The following BABAM2 variants were observed in gnomAD, a reference collection of about 807,000 sequenced individuals.
BABAM2 encodes the protein BRISC and BRCA1-A complex member 2.
In BABAM2, 31 loss-of-function variants were observed where a neutral mutation model predicts 54.7. That is an observed-to-expected ratio of 0.57 (90% confidence interval 0.43 to 0.77). The LOEUF is 0.77. BABAM2 is among the 30% of genes least tolerant of loss of function. The pLI is 0.00. For missense variants in BABAM2, 364 were observed against 455.8 expected (o/e 0.80, Z 1.83); for synonymous variants, 167 against 162.9 (o/e 1.03, Z -0.19).
intron 6 of BABAM2, among the ~76,000 whole-genome samples, chr2:28,126,753 C>A (rs1167503293): frequency 1.4e-5 from 2 of 144,882 alleles, no homozygotes; most frequent in African/African-American, 5.2e-5. Flanking sequence ...AGTTTACAGT[C>A]CCACCAACAG....
At chr2:28,259,075 T>C (rs13005987) in intron 10 of BABAM2, among the ~76,000 whole-genome samples, 5 of 36,990 alleles carry the variant, frequency 1.4e-4, no homozygotes, top group Non-Finnish European at 2.4e-4. Context: ...GCACCTGGCC[T>C]TTTTTTTTTT....
intron 5 of BABAM2, among the ~76,000 whole-genome samples, chr2:28,042,121 T>C (rs1293107175): frequency 1.3e-5 from 2 of 152,164 alleles, no homozygotes; most frequent in African/African-American, 4.8e-5. Context: ...CAAAAATGAC[T>C]CTAGGTTTTT....
chr2:28,180,017 A>G (rs1675445992), intron 7 of BABAM2, among the ~76,000 whole-genome samples: 1 of 152,196 alleles, frequency 6.6e-6, no homozygotes, highest in Admixed American at 6.5e-5. Flanking sequence ...AAAAGAATTA[A>G]TATTGTTAAA....
chr2:27,980,746 A>G (rs1183884088), intron 3 of BABAM2, among the ~76,000 whole-genome samples: 1 of 151,812 alleles, frequency 6.6e-6, no homozygotes, highest in African/African-American at 2.4e-5. Context: ...AAAAAAAAAA[A>G]ACTTTATTAT....
chr2:28,106,208 T>A (rs1476921276), intron 6 of BABAM2, among the ~76,000 whole-genome samples: 2 of 152,180 alleles, frequency 1.3e-5, no homozygotes, highest in Non-Finnish European at 2.9e-5. Flanking sequence ...AATTCTAAGA[T>A]CCCATTCAAA....
chr2:27,988,239 T>C (rs2148486767), intron 4 of BABAM2, 152 bp downstream of exon 4: 1 of 696,552 alleles, frequency 1.4e-6, no homozygotes, highest in East Asian at 2.5e-5. Flanking sequence ...TGGAACTCTT[T>C]ATGTGCCATA....
chr2:27,961,911 G>T (rs1320823534), intron 3 of BABAM2, among the ~76,000 whole-genome samples: 1 of 151,044 alleles, frequency 6.6e-6, no homozygotes, highest in Non-Finnish European at 1.5e-5. Context: ...AATTTTTTTT[G>T]TAGAGATGGG....
rs1170093539 is a variant in BABAM2, at chr2:27,910,126, T to C, written c.128+15442T>C. On this transcript the variant is annotated intron_variant, in intron 2 of 11. Transcript: ENST00000379624. ...TGTCCTATTGCCAATTTCAAGCTTTTATTTATTGTTTGTTTGTTAGGCCTG... is the reference window on the plus strand; with the variant it reads ...TGTCCTATTGCCAATTTCAAGCTTTCATTTATTGTTTGTTTGTTAGGCCTG... 5.3e-5 allele frequency among the ~76,000 whole-genome samples: 8 copies of C among 152,236 alleles called. No homozygotes were observed. In the East Asian group the frequency reaches 1.3e-3, roughly 26 times the overall value.
chr2:28,260,532 C>T (rs1684410203), intron 10 of BABAM2, among the ~76,000 whole-genome samples: 1 of 149,782 alleles, frequency 6.7e-6, no homozygotes, highest in Admixed American at 6.7e-5. Context: ...GAACTCCTAA[C>T]CTCAGGTGAT....
intron 3 of BABAM2, among the ~76,000 whole-genome samples, chr2:27,974,535 A>T (rs902094650): frequency 1.3e-5 from 2 of 152,128 alleles, no homozygotes; most frequent in East Asian, 3.8e-4. Flanking sequence ...TGCAGAAAAA[A>T]CTAAAATTTA....
chr2:28,207,902 ATTTTT>A (rs1010919951), intron 7 of BABAM2, among the ~76,000 whole-genome samples: 1 of 151,976 alleles, frequency 6.6e-6, no homozygotes, highest in Non-Finnish European at 1.5e-5. Flanking sequence ...TGTTGTTTTT[ATTTTT>A]GTTTCATTTT....
At chr2:27,941,921 T>G (rs1668918356) in intron 3 of BABAM2, among the ~76,000 whole-genome samples, 1 of 152,150 alleles carries the variant, frequency 6.6e-6, no homozygotes, top group South Asian at 2.1e-4. Context: ...GATGCATAGA[T>G]TTTTACAGAA....
chr2:28,086,819 T>C (rs1665691539), intron 6 of BABAM2, among the ~76,000 whole-genome samples: 1 of 152,248 alleles, frequency 6.6e-6, no homozygotes, highest in Admixed American at 6.5e-5. Context: ...TTTAGTTTCT[T>C]GAATTGTTTC....
rs564958044 is a variant in BABAM2, at chr2:28,295,950, A to G, written c.935-2388A>G. Among the ~76,000 whole-genome samples, 98 of 152,302 alleles carry G rather than the reference A, an allele frequency of 6.4e-4. 1 individual carries two copies. Among genetic ancestry groups the G allele is most frequent in the Middle Eastern group, 3.4e-3 (1 of 294 alleles). On this transcript the variant is annotated intron_variant, in intron 10 of 11. Coordinates refer to ENST00000379624, the MANE Select transcript of BABAM2 (RefSeq NM_199191.3). ...TGGTGAAATTTGATCTCTACTAAAA[A>G]TATAAAAAATTAGCCGAACGTGGTG...
intron 4 of BABAM2, among the ~76,000 whole-genome samples, chr2:28,020,279 CAG>C (rs1349159963): frequency 2.0e-5 from 3 of 152,044 alleles, no homozygotes; most frequent in Non-Finnish European, 4.4e-5. Context: ...GATTGAAAAA[CAG>C]AAATGAAATA....
At chr2:28,017,671 C>G (rs1472862278) in intron 4 of BABAM2, among the ~76,000 whole-genome samples, 1 of 152,162 alleles carries the variant, frequency 6.6e-6, no homozygotes, top group African/African-American at 2.4e-5. Flanking sequence ...ATTAGCAGTC[C>G]TCATTTTCCC....
intron 3 of BABAM2, among the ~76,000 whole-genome samples, chr2:27,942,349 A>G (rs1668954443): frequency 6.6e-6 from 1 of 151,930 alleles, no homozygotes; most frequent in South Asian, 2.1e-4. Flanking sequence ...ATACCGTGCT[A>G]TTATTTTATT....
At chr2:27,977,702 C>T (rs973101932) in intron 3 of BABAM2, among the ~76,000 whole-genome samples, 1 of 152,076 alleles carries the variant, frequency 6.6e-6, no homozygotes, top group African/African-American at 2.4e-5. Context: ...GGGTGTTATC[C>T]TCTAAGAGAG....
intron 10 of BABAM2, among the ~76,000 whole-genome samples, chr2:28,291,717 A>G (rs1229151643): frequency 2.0e-5 from 3 of 152,256 alleles, no homozygotes; most frequent in Admixed American, 2.0e-4. Flanking sequence ...TTGTCACTTA[A>G]AAGAAAGGTA....
Sources: allele counts gnomAD v4.1 joint callset (sites outside exome capture counted in the v4.1 genomes callset), GRCh38; gene constraint gnomAD v4.1.1; transcripts MANE v1.5; gene names NCBI Gene and HGNC (gene_info 2026-07-23, HGNC 2026-07-21).